The following ADPRHL1 variants were observed in gnomAD, a reference collection of about 807,000 sequenced individuals.
The protein encoded by ADPRHL1 is inactive ADP-ribosyltransferase ARH2.
A neutral mutation model predicts 44.1 loss-of-function variants in ADPRHL1; 43 were observed. The observed-to-expected ratio is 0.98, with a 90% CI of 0.76 to 1.26. The LOEUF (loss-of-function observed/expected upper bound fraction) is 1.26, where lower values mean the gene tolerates loss of function less well. ADPRHL1 is among the 50% of genes most tolerant of loss of function. The probability of loss-of-function intolerance (pLI) is 0.00; values close to 1 mark genes in which losing one functional copy is unlikely to be tolerated. For missense variants in ADPRHL1, 2,022 were observed against 2,496.9 expected, an observed-to-expected ratio of 0.81 and a Z score of 4.05; for synonymous variants, 878 against 1,017.4, an observed-to-expected ratio of 0.86 and a Z score of 2.61.
intron 7 of ADPRHL1, among the ~76,000 whole-genome samples, chr13:113,415,857 C>T (rs1479096803): frequency 1.3e-5 from 2 of 151,506 alleles, no homozygotes; most frequent in Non-Finnish European, 2.9e-5. Flanking sequence ...ATTTGAGGCT[C>T]CTAACATTTT....
intron 1 of ADPRHL1, among the ~76,000 whole-genome samples, chr13:113,446,424 G>A (rs781455244): frequency 1.4e-4 from 21 of 152,312 alleles, no homozygotes; most frequent in East Asian, 7.7e-4. Flanking sequence ...TCCCTGACCC[G>A]GCCCAGCAGA....
At chr13:113,448,977 C>T in intron 1 of ADPRHL1, 2 of 985,766 alleles carry the variant, frequency 2.0e-6, no homozygotes, top group Non-Finnish European at 2.4e-6. Context: ...CGCCCCTCCC[C>T]AGGCCTGGCA....
At chr13:113,445,891 C>T (rs1395690384) in intron 1 of ADPRHL1, among the ~76,000 whole-genome samples, 2 of 151,074 alleles carry the variant, frequency 1.3e-5, no homozygotes, top group South Asian at 2.1e-4. Flanking sequence ...GGAGAGAGCA[C>T]GCGCGTGTAG....
chr13:113,431,417 C>T (rs968190685), intron 3 of ADPRHL1, among the ~76,000 whole-genome samples: 26 of 152,328 alleles, frequency 1.7e-4, no homozygotes, highest in Middle Eastern at 6.8e-3. Context: ...CTTGGCCCGG[C>T]GGGAGGGCTG....
chr13:113,430,466 G>A (rs1339242480), intron 3 of ADPRHL1, among the ~76,000 whole-genome samples: 3 of 152,212 alleles, frequency 2.0e-5, no homozygotes, highest in Admixed American at 1.3e-4. Flanking sequence ...AGATGCAGTC[G>A]TGTGGGAGGA....
chr13:113,442,721 T>A (rs1281789587), intron 2 of ADPRHL1, among the ~76,000 whole-genome samples: 1 of 152,242 alleles, frequency 6.6e-6, no homozygotes, highest in Non-Finnish European at 1.5e-5. Context: ...TTCTTGTATC[T>A]GTGAGTTTAT....
At chr13:113,452,863 C>T (rs2044187062) in intron 1 of ADPRHL1, among the ~76,000 whole-genome samples, 1 of 152,242 alleles carries the variant, frequency 6.6e-6, no homozygotes, top group South Asian at 2.1e-4. Context: ...CCTCACCCTA[C>T]TCCCACCAGC....
chr13:113,403,593 TC>T lies in ADPRHL1; in HGVS notation c.5688del (p.Thr1897LeufsTer59). 8.1e-7 allele frequency: 1 copy of T among 1,231,234 alleles called. No individual in the cohort carries two copies. 76.3% of individuals were successfully genotyped at this position (1,231,234 alleles called of 1,614,324 possible). On this transcript the variant is annotated frameshift_variant, in exon 8 of 8. Transcript: ENST00000612156. LOFTEE classifies it low-confidence loss of function (END_TRUNC). ...CCCTCCTGGGCCGGGGCCTGGGGAG[TC>T]CCGCAGCCCCCAGCCTCAGGCTTGG... ...TEPKPEAGGC[G>X]TPQAPAQEGS...
chr13:113,404,447 G>T lies in ADPRHL1; in HGVS notation c.4835C>A (p.Ala1612Asp). ...GGTCTGCCACTGGGCCTGTCCCTGA[G>T]CCTCTTCCTGGGCCCATTTCTGAAC... is the stretch of plus-strand genomic sequence containing the variant. ...GEVQKWAQEEAQGQAQWQTQI... is the reference protein window; with the variant it reads ...GEVQKWAQEEDQGQAQWQTQI... The change falls in exon 8 of 8, where the codon GCT becomes GAT. Residue 1612 changes from alanine to aspartate, a missense_variant. Ala to Asp is a moderately radical substitution (Grantham distance 126, BLOSUM62 -2). Transcript: ENST00000612156. 7.6e-7 allele frequency: 1 copy of T among 1,315,500 alleles called. No individual in the cohort carries two copies. Among genetic ancestry groups the T allele is most frequent in the East Asian group, 3.1e-5 (1 of 32,632 alleles). The allele number at this position is 1,315,500 out of a possible 1,614,324, so 81.5% of individuals were successfully genotyped here.
intron 7 of ADPRHL1, among the ~76,000 whole-genome samples, chr13:113,413,666 C>G (rs1401379226): frequency 6.6e-6 from 1 of 152,238 alleles, no homozygotes; most frequent in Non-Finnish European, 1.5e-5. Flanking sequence ...GTCAGCCCCA[C>G]CCCTCAAAGC....
rs2043746933 is a variant in ADPRHL1 at position 113,400,165 on chromosome 13, T to TTTGA, written c.*3212_*3213insTCAA. The TTTGA allele has an allele frequency of 1.4e-5, 2 of 145,622 alleles. No homozygotes were observed. The highest frequency in any genetic ancestry group is 5.2e-5 in the African/African-American group (2 of 38,322). 9.0% of individuals were successfully genotyped at this position (145,622 alleles called of 1,614,324 possible). ...CTTTTCTTCTTTTTTTTTTTTTTTT[T>TTTGA]GACGGAGTCTCGCTCTGTCACCCAG... On this transcript the variant is annotated 3_prime_UTR_variant, in exon 8 of 8. Coordinates refer to ENST00000612156, the MANE Select transcript of ADPRHL1 (RefSeq NM_001394807.1).
In ADPRHL1 at chr13:113,429,042, C is replaced by G; in HGVS notation, c.556G>C (p.Gly186Arg). The G allele has an allele frequency of 6.2e-7, 1 of 1,612,834 alleles. No homozygotes were observed. The highest frequency in any genetic ancestry group is 8.5e-7 in the Non-Finnish European group (1 of 1,179,978). The change falls in exon 4 of 8, where the codon GGA becomes CGA. Residue 186 changes from glycine (G) to arginine (R), a missense_variant. Gly to Arg is a moderately radical substitution (Grantham distance 125). Transcript: ENST00000612156. ...TALFVSFAAQ[G>R]KPLVQWGRDM... ...CTCCCCCACTGGACCAGGGGCTTTCCTTGTGCGGCGAACGACACAAACAGG... is the reference window on the plus strand; with the variant it reads ...CTCCCCCACTGGACCAGGGGCTTTCGTTGTGCGGCGAACGACACAAACAGG...
In ADPRHL1 at chr13:113,443,459, CA is replaced by C. The variant is rs891120276; in HGVS notation, c.379+965del. On this transcript the variant is annotated intron_variant, in intron 2 of 7. Coordinates refer to ENST00000612156, the MANE Select transcript of ADPRHL1 (RefSeq NM_001394807.1). ...CCCTTCTCTACAGAAAAAAAAAAAACAACCAAAACATTAACTGGGTGTAGTG... is the reference window on the plus strand; with the variant it reads ...CCCTTCTCTACAGAAAAAAAAAAAACACCAAAACATTAACTGGGTGTAGTG... Among the ~76,000 whole-genome samples the C allele has an allele frequency of 2.5e-4, 35 of 140,682 alleles. No individual in the cohort carries two copies. In the East Asian group the frequency reaches 7.0e-3, roughly 28 times the overall value. The allele number at this position is 140,682 out of a possible 152,430, so 92.3% of individuals were successfully genotyped here. A position where few individuals can be genotyped will look rare whatever the true frequency, so the allele number is the denominator to read the frequency against.
At chr13:113,431,308 C>T (rs2044005333) in intron 3 of ADPRHL1, among the ~76,000 whole-genome samples, 1 of 152,236 alleles carries the variant, frequency 6.6e-6, no homozygotes, top group African/African-American at 2.4e-5. Context: ...AGCATGGTTG[C>T]CCGTGACACG....
chr13:113,422,962 C>A lies in ADPRHL1; in HGVS notation c.925G>T (p.Gly309Cys), dbSNP rs2043937454. ...MFHGGESAAT[G>C]TIAGCLFGLL... ...CCGAACAGGCAGCCTGCAATGGTGC[C>A]CGTGGCCGCGCTCTCCCCTGAAACG... The change falls in exon 7 of 8, where the codon GGC (glycine) becomes TGC (cysteine). Residue 309 changes from glycine (G) to cysteine (C), a missense_variant. Gly to Cys is a radical substitution (Grantham distance 159). Around this residue, in one of 8 missense-constraint regions of ADPRHL1, gnomAD observed 437 missense variants for 430.7 expected, o/e 1.01. Coordinates refer to ENST00000612156, the MANE Select transcript of ADPRHL1 (RefSeq NM_001394807.1). 1 of 1,612,828 alleles carries A rather than the reference C, an allele frequency of 6.2e-7. No individual in the cohort carries two copies. Among genetic ancestry groups the A allele is most frequent in the African/African-American group, 1.3e-5 (1 of 75,044 alleles).
At chr13:113,430,715 T>TAGTGGCGGGGGGGGCAGTGGCACC (rs2044000619) in intron 3 of ADPRHL1, among the ~76,000 whole-genome samples, 1 of 150,312 alleles carries the variant, frequency 6.7e-6, no homozygotes, top group African/African-American at 2.5e-5. Context: ...GGGGTGGCAC[T>TAGTGGCGGGGGGGGCAGTGGCACC]AGTGGCGGGG....
intron 7 of ADPRHL1, among the ~76,000 whole-genome samples, chr13:113,410,928 C>A (rs191260409): frequency 3.0e-4 from 45 of 152,348 alleles, no homozygotes; most frequent in African/African-American, 9.6e-4. Flanking sequence ...GCTGCGCTCC[C>A]TTCACCCCAG....
At chr13:113,432,465 C>T (rs996243756) in intron 3 of ADPRHL1, among the ~76,000 whole-genome samples, 30 of 152,180 alleles carry the variant, frequency 2.0e-4, no homozygotes, top group Admixed American at 1.9e-3. Context: ...TTTTAATTTG[C>T]GCCCAGTTGC....
In ADPRHL1 at chr13:113,439,517, G is replaced by A. The variant is rs146794401; in HGVS notation, c.379+4908C>T. The stretch of plus-strand genomic sequence containing the variant: ...GGCTGGAGTGCAGTGATGTGATCTC[G>A]GCTCACTGCAACATCCACCTCCTGG... On this transcript the variant is annotated intron_variant, in intron 2 of 7. Coordinates refer to ENST00000612156, the MANE Select transcript of ADPRHL1 (RefSeq NM_001394807.1). Among the ~76,000 whole-genome samples the A allele has an allele frequency of 2.1e-3, 311 of 150,640 alleles. 3 individuals carry two copies. Among genetic ancestry groups the A allele is most frequent in the African/African-American group, 6.8e-3 (278 of 40,872 alleles).
Sources: allele counts gnomAD v4.1 joint callset (sites outside exome capture counted in the v4.1 genomes callset), GRCh38; gene constraint gnomAD v4.1.1; regional missense constraint gnomAD v4.1.1; transcripts MANE v1.5; gene names NCBI Gene and HGNC (gene_info 2026-07-23, HGNC 2026-07-21).